Variants in VCAN observed in about 807,000 individuals in gnomAD.
VCAN encodes the protein versican, also known as versican core protein.
Under a neutral mutation model 245.5 loss-of-function variants are expected in VCAN, and 44 were observed. The observed-to-expected ratio is 0.18, with a 90% CI of 0.14 to 0.23. The LOEUF (loss-of-function observed/expected upper bound fraction) is 0.23, where lower values mean the gene tolerates loss of function less well. Ranked by LOEUF, VCAN falls within the 10% of genes least tolerant of loss-of-function variation. The probability of loss-of-function intolerance (pLI) is 1.00; values close to 1 mark genes in which losing one functional copy is unlikely to be tolerated. For synonymous variants in VCAN, 1,413 were observed against 1,437.0 expected (o/e 0.98, Z 0.38); for missense variants, 3,793 against 4,057.9 (o/e 0.93, Z 1.77).
chr5:83,535,387 C>T (rs1746666337), intron 7 of VCAN, among the ~76,000 whole-genome samples: 1 of 151,928 alleles, frequency 6.6e-6, no homozygotes, highest in Non-Finnish European at 1.5e-5. Context: ...TGGTGGGATA[C>T]AAAAGAGAGT....
chr5:83,569,999 G>A (rs569245792), intron 12 of VCAN, among the ~76,000 whole-genome samples: 1 of 152,000 alleles, frequency 6.6e-6, no homozygotes, highest in South Asian at 2.1e-4. Context: ...GAGGCTTGGC[G>A]AGTGGAGGGT....
Position 83,537,782 on chromosome 5 carries a change from A to T in VCAN, c.4779A>T (p.Ala1593=). 2.5e-6 allele frequency: 4 copies of T among 1,614,056 alleles called. No homozygotes were observed. The highest frequency in any genetic ancestry group is 3.4e-6 in the Non-Finnish European group (4 of 1,179,956). ...TPTIVPSSAS[A]YVSEEEAVTL... is the part of the protein sequence containing the mutation. ...CTATAGTTCCAAGTTCTGCATCAGC[A>T]TATGTTTCAGAGGAAGAAGCAGTTA... Residue 1593 remains alanine, a synonymous_variant, in exon 8 of 15, where the codon GCA becomes GCT. Coordinates refer to ENST00000265077, the MANE Select transcript of VCAN (RefSeq NM_004385.5).
chr5:83,513,104 C>T (rs893746760), intron 6 of VCAN, among the ~76,000 whole-genome samples: 1 of 151,960 alleles, frequency 6.6e-6, no homozygotes, highest in African/African-American at 2.4e-5. Flanking sequence ...TTCCAGATGT[C>T]CTCAAGTAAT....
intron 5 of VCAN, among the ~76,000 whole-genome samples, chr5:83,500,832 G>A (rs1385323653): frequency 1.3e-5 from 2 of 152,154 alleles, no homozygotes; most frequent in African/African-American, 4.8e-5. Context: ...GGATTACAAT[G>A]ATTGGGATTG....
At chr5:83,525,395 C>A (rs1159574914) in intron 7 of VCAN, among the ~76,000 whole-genome samples, 1 of 151,926 alleles carries the variant, frequency 6.6e-6, no homozygotes, top group Admixed American at 6.6e-5. Flanking sequence ...TTCTTCAACT[C>A]CAGATTTTTT....
At chr5:83,506,246 G>A (rs10059723) in intron 5 of VCAN, among the ~76,000 whole-genome samples, 8,234 of 152,258 alleles carry the variant, frequency 0.054, 729 homozygotes, top group African/African-American at 0.18. Flanking sequence ...TGCATAGTCA[G>A]GCTGCAATTT....
chr5:83,477,928 T>C (rs1366714149), intron 1 of VCAN, among the ~76,000 whole-genome samples: 1 of 148,428 alleles, frequency 6.7e-6, no homozygotes, highest in Admixed American at 6.7e-5. Context: ...ATCAGAGGAG[T>C]AACAAAAAAA....
chr5:83,551,070 T>G (rs188418613), intron 10 of VCAN, among the ~76,000 whole-genome samples: 1 of 151,866 alleles, frequency 6.6e-6, no homozygotes, highest in Non-Finnish European at 1.5e-5. Context: ...CCCGCCTCTA[T>G]TTTTTGGACC....
intron 5 of VCAN, among the ~76,000 whole-genome samples, chr5:83,502,671 T>A (rs954613253): frequency 2.0e-5 from 3 of 152,224 alleles, no homozygotes; most frequent in African/African-American, 7.2e-5. Context: ...AATAACACAT[T>A]TGCAAATATG....
intron 12 of VCAN, among the ~76,000 whole-genome samples, chr5:83,569,043 A>G (rs1411813183): frequency 1.3e-5 from 2 of 152,184 alleles, no homozygotes; most frequent in African/African-American, 4.8e-5. Flanking sequence ...AGAAAATTTT[A>G]AATGGTGATA....
At chr5:83,483,216 C>T (rs778250902) in intron 1 of VCAN, among the ~76,000 whole-genome samples, 1 of 152,216 alleles carries the variant, frequency 6.6e-6, no homozygotes, top group Non-Finnish European at 1.5e-5. Flanking sequence ...ACAGCCTACT[C>T]ACTTGTGGTT....
intron 7 of VCAN, among the ~76,000 whole-genome samples, chr5:83,529,115 C>T (rs1746421357): frequency 6.6e-6 from 1 of 151,326 alleles, no homozygotes; most frequent in Non-Finnish European, 1.5e-5. Context: ...ATACTAACTA[C>T]ATTAGAACTG....
rs898107174 is a variant in VCAN at position 83,489,985 on chromosome 5, C to T, written c.71-113C>T. ...ATATAAAGTCATTCTAATTATGTCACATGTTGAAGATGTAACCAAACTATT... is the reference window on the plus strand; with the variant it reads ...ATATAAAGTCATTCTAATTATGTCATATGTTGAAGATGTAACCAAACTATT... On this transcript the variant is annotated intron_variant, in intron 2 of 14. Coordinates refer to ENST00000265077, the MANE Select transcript of VCAN (RefSeq NM_004385.5). 4.8e-6 allele frequency: 5 copies of T among 1,048,764 alleles called. No homozygotes were observed. The African/African-American group carries it at 8.0e-5, about 17-fold the overall frequency. 65.0% of individuals were successfully genotyped at this position (1,048,764 alleles called of 1,614,324 possible).
Position 83,512,177 on chromosome 5 carries a change from G to T in VCAN, c.823G>T (p.Ala275Ser), listed in dbSNP as rs1428665148. 4 of 1,614,138 alleles carry T rather than the reference G, an allele frequency of 2.5e-6. No homozygotes were observed. The highest frequency in any genetic ancestry group is 2.7e-5 in the African/African-American group (2 of 75,028). The change falls in exon 6 of 15, where the codon GCC (alanine) becomes TCC (serine). Residue 275 changes from alanine to serine, a missense_variant. Ala to Ser is a moderately conservative substitution (Grantham distance 99). Coordinates refer to ENST00000265077, the MANE Select transcript of VCAN (RefSeq NM_004385.5). ...TGCAAAAGAGTGTGAAAACCAGGAT[G>T]CCAGGCTGGCAACAGTGGGGGAACT... ...EAAKECENQD[A>S]RLATVGELQA... is the part of the protein sequence containing the mutation.
At chr5:83,510,014 T>C (rs549034015) in intron 5 of VCAN, among the ~76,000 whole-genome samples, 1 of 152,336 alleles carries the variant, frequency 6.6e-6, no homozygotes, top group Admixed American at 6.5e-5. Context: ...ATACATACTA[T>C]GTAACTGGCC....
chr5:83,482,648 C>T (rs1260695589), intron 1 of VCAN, among the ~76,000 whole-genome samples: 2 of 152,190 alleles, frequency 1.3e-5, no homozygotes, highest in Admixed American at 6.5e-5. Flanking sequence ...CTAGATGGTT[C>T]CCCAACACAG....
intron 10 of VCAN, among the ~76,000 whole-genome samples, chr5:83,550,372 A>C (rs1291806680): frequency 1.3e-5 from 2 of 152,230 alleles, no homozygotes; most frequent in African/African-American, 4.8e-5. Context: ...TAGGAGTTTT[A>C]AAGCATAAGA....
chr5:83,525,729 TATTAA>T (rs1255475324), intron 7 of VCAN, among the ~76,000 whole-genome samples: 2 of 152,144 alleles, frequency 1.3e-5, no homozygotes, highest in Non-Finnish European at 2.9e-5. Context: ...TGAAAAGCAA[TATTAA>T]ATTAAATGAT....
rs113014073 is a variant in VCAN at position 83,542,078 on chromosome 5, G to C, written c.9075G>C (p.Thr3025=). Residue 3025 remains threonine (T), a synonymous_variant, in exon 8 of 15, where the codon ACG becomes ACC. Coordinates refer to ENST00000265077, the MANE Select transcript of VCAN (RefSeq NM_004385.5). ...QAALIRGQDS[T]IAASEQQVAA... Reference sequence around the variant, plus strand: ...CTTTAATCAGAGGGCAGGATTCCACGATAGCAGCATCAGAACAGCAAGTGG... The same window carrying C: ...CTTTAATCAGAGGGCAGGATTCCACCATAGCAGCATCAGAACAGCAAGTGG... 6.2e-7 allele frequency: 1 copy of C among 1,613,712 alleles called. No homozygotes were observed. Among genetic ancestry groups the C allele is most frequent in the Non-Finnish European group, 8.5e-7 (1 of 1,179,660 alleles).
Sources: allele counts gnomAD v4.1 joint callset (sites outside exome capture counted in the v4.1 genomes callset), GRCh38; gene constraint gnomAD v4.1.1; transcripts MANE v1.5; gene names NCBI Gene and HGNC (gene_info 2026-07-23, HGNC 2026-07-21).